AHCY: variants seen among roughly 807,000 people sequenced by gnomAD.
AHCY encodes the protein S-adenosyl-L-homocysteine hydrolase.
A neutral mutation model predicts 45.4 loss-of-function variants in AHCY; 24 were observed. The ratio of observed to expected loss-of-function variants is 0.53; its 90% confidence interval spans 0.38 to 0.74. AHCY has a LOEUF of 0.74. Among genes scored for constraint, AHCY ranks in the 30% least tolerant of loss-of-function variants. The pLI is 0.00. For missense variants in AHCY, 449 were observed against 594.1 expected, an observed-to-expected ratio of 0.76 and a Z score of 2.54; for synonymous variants, 245 against 235.1, an observed-to-expected ratio of 1.04 and a Z score of -0.39.
chr20:34,260,336 CACCT>C, the AHCY span: 26 of 1,597,334 alleles, frequency 1.6e-5, no homozygotes, highest in Non-Finnish European at 2.1e-5. Flanking sequence ...CTGACCCACC[CACCT>C]GACCACCTTC....
chr20:34,267,133 T>C, the AHCY span, among the ~76,000 whole-genome samples: 18 of 152,180 alleles, frequency 1.2e-4, no homozygotes, highest in South Asian at 8.3e-4. Context: ...ACTGGGAACA[T>C]AGCAGTGAAT....
At chr20:34,302,530 A>G (rs1034188003) in intron 1 of AHCY, 1 of 842,364 alleles carries the variant, frequency 1.2e-6, no homozygotes, top group Non-Finnish European at 1.4e-6. Context: ...CAGTTTCCCT[A>G]TAGAGCCATG....
rs187948422 is a variant in AHCY at position 34,296,154 on chromosome 20, G to A, written c.29-569C>T. ...GAATGCTCTTGGCCTCTCTGCCCCA[G>A]GGGAGGTGGGGTGAGCTTGTCTGAC... On this transcript the variant is annotated intron_variant, in intron 1 of 9. Transcript: ENST00000217426. Among the ~76,000 whole-genome samples the A allele has an allele frequency of 1.1e-3, 170 of 152,238 alleles. 1 individual carries two copies. The East Asian group carries it at 0.023, about 21-fold the overall frequency.
the AHCY span, among the ~76,000 whole-genome samples, chr20:34,272,999 C>A: frequency 6.6e-6 from 1 of 152,176 alleles, no homozygotes; most frequent in Non-Finnish European, 1.5e-5. Flanking sequence ...CCTCCCTGGG[C>A]CTGCCACCTT....
chr20:34,293,112 T>A (rs1009220948), intron 3 of AHCY, among the ~76,000 whole-genome samples: 2 of 152,122 alleles, frequency 1.3e-5, no homozygotes, highest in Non-Finnish European at 2.9e-5. Context: ...AAATCCTCCA[T>A]ACCCCATCTC....
chr20:34,245,191 G>A, the AHCY span, among the ~76,000 whole-genome samples: 1 of 151,362 alleles, frequency 6.6e-6, no homozygotes, highest in Non-Finnish European at 1.5e-5. Flanking sequence ...AAAATTAGCT[G>A]GGCGTGGTGG....
At chr20:34,284,890 T>C (rs1234968938) in intron 9 of AHCY, among the ~76,000 whole-genome samples, 1 of 152,146 alleles carries the variant, frequency 6.6e-6, no homozygotes, top group Admixed American at 6.6e-5. Context: ...TGTATAGAGA[T>C]CTTGGTATCT....
rs1476800341 is a variant in AHCY, at chr20:34,295,434, C to A, written c.180G>T (p.Thr60=). The A allele has an allele frequency of 3.1e-6, 5 of 1,614,100 alleles. No homozygotes were observed. In the South Asian group the frequency reaches 4.4e-5, roughly 14 times the overall value. ...TGACGAGGGTCTCAATGAGGACGGC[C>A]GTCTCCACGGTCATGTGCAGGCAGC... ...IAGCLHMTVE[T]AVLIETLVTL... Residue 60 remains threonine (T), a synonymous_variant, in exon 2 of 10, where the codon ACG becomes ACT. Coordinates refer to ENST00000217426, the MANE Select transcript of AHCY (RefSeq NM_000687.4).
At chr20:34,286,869 G>C (rs2122737633) in intron 8 of AHCY, among the ~76,000 whole-genome samples, 1 of 145,932 alleles carries the variant, frequency 6.9e-6, no homozygotes, top group Admixed American at 6.9e-5. Flanking sequence ...AGATACCTTG[G>C]CCTCATTCCC....
chr20:34,277,308 G>A (rs990497289), downstream of AHCY, among the ~76,000 whole-genome samples: 2 of 152,258 alleles, frequency 1.3e-5, no homozygotes, highest in East Asian at 3.9e-4. Context: ...CTGGGCCTCC[G>A]TTTCTCCACA....
the AHCY span, among the ~76,000 whole-genome samples, chr20:34,266,629 C>CA: frequency 1.3e-5 from 2 of 148,574 alleles, no homozygotes; most frequent in Non-Finnish European, 3.0e-5. Flanking sequence ...GCCGAGATGG[C>CA]ACCACTACAC....
At chr20:34,267,576 G>A in the AHCY span, among the ~76,000 whole-genome samples, 4 of 151,220 alleles carry the variant, frequency 2.6e-5, no homozygotes, top group Admixed American at 1.3e-4. Context: ...TTGTTGCCCA[G>A]GCTGGAGTGC....
rs2035974498 is a variant in AHCY at position 34,280,820 on chromosome 20, A to G, written c.*214T>C. On this transcript the variant is annotated 3_prime_UTR_variant, in exon 10 of 10. Coordinates refer to ENST00000217426, the MANE Select transcript of AHCY (RefSeq NM_000687.4). ...GTTCCCTGTGGCTGGGACCTCCATC[A>G]TGACCGGGGCTTGAAGAGGGTACTC... The G allele has an allele frequency of 7.5e-6, 5 of 662,628 alleles. No homozygotes were observed. The highest frequency in any genetic ancestry group is 1.0e-5 in the Non-Finnish European group (4 of 394,054). The allele number at this position is 662,628 out of a possible 1,614,324, so 41.0% of individuals were successfully genotyped here.
intron 2 of AHCY, 126 bp from the exon 3 acceptor site, chr20:34,294,282 T>G: frequency 1.3e-5 from 11 of 862,282 alleles, no homozygotes; most frequent in Non-Finnish European, 1.9e-5. Flanking sequence ...CAGCAAGCTC[T>G]AGGATCACAG....
chr20:34,311,085 A>C (rs889214951), intron 1 of AHCY, among the ~76,000 whole-genome samples: 2 of 152,200 alleles, frequency 1.3e-5, no homozygotes, highest in Non-Finnish European at 2.9e-5. Flanking sequence ...GTGCCACTGC[A>C]CTCTAGCCTG....
At chr20:34,274,869 G>A in the AHCY span, among the ~76,000 whole-genome samples, 11 of 152,116 alleles carry the variant, frequency 7.2e-5, no homozygotes, top group South Asian at 6.2e-4. Flanking sequence ...CAGGAGGATC[G>A]CTTGAGCTCG....
At chr20:34,237,228 T>C in the AHCY span, among the ~76,000 whole-genome samples, 2 of 150,828 alleles carry the variant, frequency 1.3e-5, no homozygotes, top group Non-Finnish European at 2.9e-5. Context: ...TGAGATTCCA[T>C]ACAAATTTTA....
chr20:34,285,409 C>G, intron 9 of AHCY, 31 bp downstream of exon 9: 1 of 1,612,558 alleles, frequency 6.2e-7, no homozygotes, highest in Non-Finnish European at 8.5e-7. Flanking sequence ...AGACACGTGA[C>G]CCTTGGCTTG....
the AHCY span, among the ~76,000 whole-genome samples, chr20:34,253,945 G>A: frequency 8.5e-5 from 13 of 152,320 alleles, no homozygotes; most frequent in South Asian, 2.5e-3. Flanking sequence ...ACTGTCATCA[G>A]AGATATCACA....
Sources: allele counts gnomAD v4.1 joint callset (sites outside exome capture counted in the v4.1 genomes callset), GRCh38; gene constraint gnomAD v4.1.1; transcripts MANE v1.5; gene names NCBI Gene and HGNC (gene_info 2026-07-23, HGNC 2026-07-21).